The following CRACDL variants were observed in gnomAD, a reference collection of about 807,000 sequenced individuals.
The protein encoded by CRACDL is CRACD-like protein.
A neutral mutation model predicts 70.6 loss-of-function variants in CRACDL; 26 were observed. That is an observed-to-expected ratio of 0.37 (90% CI 0.27 to 0.51). CRACDL has a LOEUF of 0.51. Among genes scored for constraint, CRACDL ranks in the 20% least tolerant of loss-of-function variants. CRACDL has a pLI of 0.94. For missense variants in CRACDL, 1,283 were observed against 1,376.9 expected, an observed-to-expected ratio of 0.93 and a Z score of 1.08; for synonymous variants, 618 against 615.2, an observed-to-expected ratio of 1.00 and a Z score of -0.07.
rs188641360 is a variant in CRACDL, at chr2:98,885,544, G to C, written c.-10-38734C>G. Among the ~76,000 whole-genome samples, 16 of 152,142 alleles carry C rather than the reference G, an allele frequency of 1.1e-4. 1 individual carries two copies. In the East Asian group the frequency reaches 2.9e-3, roughly 28 times the overall value. On this transcript the variant is annotated intron_variant, in intron 1 of 9. Transcript: ENST00000397899. ...ACTGTCATGAAAATATGACTGACAG[G>C]GTGTGGTATGAACTTAAAAAAATAA...
chr2:98,797,416 G>C lies in CRACDL; in HGVS notation c.2538C>G (p.Asp846Glu). 1 of 1,614,224 alleles carries C rather than the reference G, an allele frequency of 6.2e-7. No individual in the cohort carries two copies. Among genetic ancestry groups the C allele is most frequent in the Non-Finnish European group, 8.5e-7 (1 of 1,180,044 alleles). The change falls in exon 8 of 10, where the codon GAC becomes GAG. Residue 846 changes from aspartate (D) to glutamate (E), a missense_variant. Physicochemically the swap from Asp to Glu is conservative, Grantham distance 45. This residue lies in a region of CRACDL where 921 missense variants were observed against 881.9 expected (regional missense o/e 1.04). Coordinates refer to ENST00000397899, the MANE Select transcript of CRACDL (RefSeq NM_207362.3). ...ACTTCAGGGTCCGTGCCCCAGGCTT[G>C]TCTTCCTGGTTGGGTGGCTGGTCCA... ...GTLDQPPNQE[D>E]KPGARTLKSE...
At chr2:98,905,067 A>G (rs886188143) in intron 1 of CRACDL, among the ~76,000 whole-genome samples, 1 of 151,798 alleles carries the variant, frequency 6.6e-6, no homozygotes, top group South Asian at 2.1e-4. Flanking sequence ...TGGCTAACAC[A>G]GTGAAACCCC....
At chr2:98,803,725 T>C (rs1406914489) in intron 7 of CRACDL, among the ~76,000 whole-genome samples, 1 of 152,226 alleles carries the variant, frequency 6.6e-6, no homozygotes, top group Non-Finnish European at 1.5e-5. Context: ...TGCTAAGACT[T>C]CGGATCTAAA....
chr2:98,875,536 CAG>C (rs1707467130), intron 1 of CRACDL, among the ~76,000 whole-genome samples: 1 of 57,966 alleles, frequency 1.7e-5, no homozygotes, highest in African/African-American at 1.2e-4. Context: ...TCCCAGTTGA[CAG>C]ACAGCAAGAG....
In CRACDL at chr2:98,823,115, G is replaced by C. The variant is rs1328067010; in HGVS notation, c.1158C>G (p.Asp386Glu). 6.3e-7 allele frequency: 1 copy of C among 1,575,926 alleles called. No individual in the cohort carries two copies. Among genetic ancestry groups the C allele is most frequent in the Non-Finnish European group, 8.6e-7 (1 of 1,164,474 alleles). The change falls in exon 7 of 10, where the codon GAC (aspartate) becomes GAG (glutamate). Residue 386 changes from aspartate (D) to glutamate (E), a missense_variant. Transcript: ENST00000397899. The surrounding 1 kb of genome is among the most constrained non-coding windows in gnomAD (Gnocchi z 4.0). The stretch of plus-strand genomic sequence containing the variant: ...GAGCACAGACCACCTCCTCCGCCTT[G>C]TCCGTGGCCGGGGCACACGGGCCTG... ...PPAGPCAPAT[D>E]KAEEVVCAPE...
chr2:98,888,263 T>C (rs1417351568), intron 1 of CRACDL, among the ~76,000 whole-genome samples: 8 of 152,240 alleles, frequency 5.3e-5, no homozygotes, highest in Non-Finnish European at 8.8e-5. Flanking sequence ...ATAAATATAC[T>C]TTTGTTTGTA....
chr2:98,835,610 A>G (rs1005704511), intron 3 of CRACDL, among the ~76,000 whole-genome samples: 11 of 152,254 alleles, frequency 7.2e-5, no homozygotes, highest in Admixed American at 2.6e-4. Flanking sequence ...GATATTTGGA[A>G]AAAAAAAGAA....
At chr2:98,807,086 T>C (rs1167257918) in intron 7 of CRACDL, among the ~76,000 whole-genome samples, 2 of 152,160 alleles carry the variant, frequency 1.3e-5, no homozygotes, top group Non-Finnish European at 2.9e-5. Flanking sequence ...CAGCCCTCCT[T>C]GCAACGTAAG....
At chr2:98,871,488 C>T (rs914871013) in intron 1 of CRACDL, among the ~76,000 whole-genome samples, 1 of 152,148 alleles carries the variant, frequency 6.6e-6, no homozygotes, top group Admixed American at 6.5e-5. Flanking sequence ...AATGTCCGAC[C>T]CTGAAATCAA....
chr2:98,928,320 C>T (rs900013580), intron 1 of CRACDL, among the ~76,000 whole-genome samples: 5 of 152,192 alleles, frequency 3.3e-5, no homozygotes, highest in East Asian at 1.9e-4. Context: ...GACAGAAGTT[C>T]GGAAGGCTCT....
chr2:98,798,340 A>T (rs1387581211), intron 7 of CRACDL, among the ~76,000 whole-genome samples: 1 of 145,204 alleles, frequency 6.9e-6, no homozygotes, highest in Non-Finnish European at 1.5e-5. Context: ...GACACTCTGG[A>T]GGCTGAGGCA....
At chr2:98,931,631 G>C (rs1343485078) in intron 1 of CRACDL, among the ~76,000 whole-genome samples, 1 of 152,180 alleles carries the variant, frequency 6.6e-6, no homozygotes, top group Non-Finnish European at 1.5e-5. Flanking sequence ...ACCACAGCCA[G>C]GAGAAGGCCT....
At chr2:98,929,641 C>A (rs1372142519) in intron 1 of CRACDL, among the ~76,000 whole-genome samples, 1 of 152,144 alleles carries the variant, frequency 6.6e-6, no homozygotes, top group Non-Finnish European at 1.5e-5. Context: ...CAGGCTCCCC[C>A]ATCTGGATGG....
chr2:98,887,082 A>G (rs1707817074), intron 1 of CRACDL, among the ~76,000 whole-genome samples: 1 of 152,254 alleles, frequency 6.6e-6, no homozygotes, highest in Non-Finnish European at 1.5e-5. Context: ...CTGAAATTTA[A>G]AAATCACTAG....
At chr2:98,885,362 T>C (rs1707773185) in intron 1 of CRACDL, among the ~76,000 whole-genome samples, 1 of 152,136 alleles carries the variant, frequency 6.6e-6, no homozygotes, top group Admixed American at 6.5e-5. Context: ...AGGGGGAGGA[T>C]GTTGGTGGGA....
In CRACDL at chr2:98,832,206, C is replaced by A. The variant is rs1705570710; in HGVS notation, c.540+142G>T. 6.1e-6 allele frequency: 5 copies of A among 823,930 alleles called. No individual in the cohort carries two copies. In the South Asian group the frequency reaches 7.3e-5, roughly 12 times the overall value. The allele number at this position is 823,930 out of a possible 1,614,324, so 51.0% of individuals were successfully genotyped here. A position where few individuals can be genotyped will look rare whatever the true frequency, so the allele number is the denominator to read the frequency against. On this transcript the variant is annotated intron_variant, in intron 5 of 9. Transcript: ENST00000397899. ...AATGAAAATAAACACAGCTCAAGGG[C>A]TGATTGTAGGCTCCAGTGACCCAGT...
intron 7 of CRACDL, among the ~76,000 whole-genome samples, chr2:98,818,695 T>G (rs1421342599): frequency 6.6e-6 from 1 of 152,204 alleles, no homozygotes; most frequent in Non-Finnish European, 1.5e-5. Flanking sequence ...AGAATGATAA[T>G]AGTAGAAGTG....
At chr2:98,865,303 G>A (rs1009218566) in intron 1 of CRACDL, among the ~76,000 whole-genome samples, 5 of 152,068 alleles carry the variant, frequency 3.3e-5, no homozygotes, top group African/African-American at 1.2e-4. Context: ...CACTTCCGCA[G>A]GAAGACCAAT....
intron 1 of CRACDL, among the ~76,000 whole-genome samples, chr2:98,926,547 C>T (rs992157136): frequency 1.3e-5 from 2 of 152,188 alleles, no homozygotes; most frequent in African/African-American, 4.8e-5. Context: ...CCTCACAGGC[C>T]CACAGCTGCA....
Sources: allele counts gnomAD v4.1 joint callset (sites outside exome capture counted in the v4.1 genomes callset), GRCh38; gene constraint gnomAD v4.1.1; regional missense constraint gnomAD v4.1.1; non-coding constraint Gnocchi (gnomAD v3.1); transcripts MANE v1.5; gene names NCBI Gene and HGNC (gene_info 2026-07-23, HGNC 2026-07-21).